The following RCC1L variants were observed in gnomAD, a reference collection of about 807,000 sequenced individuals.
The protein encoded by RCC1L is RCC1-like G exchanging factor-like protein.
RCC1L carries 46 observed loss-of-function variants against 58.6 expected under a neutral mutation model. The ratio of observed to expected loss-of-function variants is 0.79; its 90% CI spans 0.62 to 1.00. The LOEUF (loss-of-function observed/expected upper bound fraction) is 1.00. RCC1L is among the 50% of genes least tolerant of loss of function. The pLI, the probability that RCC1L is intolerant of heterozygous loss-of-function variation, is 0.00. For missense variants in RCC1L, 636 were observed against 623.6 expected, an observed-to-expected ratio of 1.02 and a Z score of -0.21; for synonymous variants, 281 against 262.9, an observed-to-expected ratio of 1.07 and a Z score of -0.67.
At chr7:75,045,937 G>C (rs1805706915) in intron 10 of RCC1L, among the ~76,000 whole-genome samples, 1 of 152,250 alleles carries the variant, frequency 6.6e-6, no homozygotes, top group Non-Finnish European at 1.5e-5. Context: ...ACCCTCCCCT[G>C]GTGGCAGCAT....
intron 1 of RCC1L, among the ~76,000 whole-genome samples, chr7:75,072,192 G>GAGAGAGA (rs1806785594): frequency 1.6e-4 from 10 of 63,254 alleles, no homozygotes; most frequent in Non-Finnish European, 3.6e-4. Flanking sequence ...ATATATATAT[G>GAGAGAGA]GAGAGAGAGA....
chr7:75,043,191 T>G, intron 10 of RCC1L, 82 bp from the exon 11 acceptor site: 1 of 1,493,772 alleles, frequency 6.7e-7, no homozygotes, highest in Middle Eastern at 2.1e-4. Flanking sequence ...GACCCGGCCC[T>G]GCCTCTCAGT....
rs974615713 is a variant in RCC1L, at chr7:75,042,752, G to C, written c.*280C>G. ...GCGAGACGTGACACCAGACACCGTCGCATGTTACTTGGAGAGAACAGAGAC... is the reference window on the plus strand; with the variant it reads ...GCGAGACGTGACACCAGACACCGTCCCATGTTACTTGGAGAGAACAGAGAC... On this transcript the variant is annotated 3_prime_UTR_variant, in exon 11 of 11. Transcript: ENST00000610322. The C allele has an allele frequency of 7.3e-7, 1 of 1,373,236 alleles. No individual in the cohort carries two copies. 85.1% of individuals were successfully genotyped at this position (1,373,236 alleles called of 1,614,324 possible).
intron 10 of RCC1L, among the ~76,000 whole-genome samples, chr7:75,044,828 C>T (rs1373308043): frequency 6.6e-6 from 1 of 151,888 alleles, no homozygotes; most frequent in African/African-American, 2.4e-5. Context: ...TTGAGACCAG[C>T]CTGGCCAACA....
chr7:75,064,459 A>G, intron 4 of RCC1L, 123 bp downstream of exon 4: 1 of 1,021,532 alleles, frequency 9.8e-7, no homozygotes, highest in Non-Finnish European at 1.5e-6. Context: ...CTTTCTGCTG[A>G]GTTCTCACGG....
chr7:75,036,024 G>A (rs1805423956), intron 10 of RCC1L, among the ~76,000 whole-genome samples: 1 of 151,582 alleles, frequency 6.6e-6, no homozygotes, highest in African/African-American at 2.4e-5. Context: ...GTTTCCAGAT[G>A]ATTCTATGGT....
intron 10 of RCC1L, among the ~76,000 whole-genome samples, chr7:75,028,923 C>T (rs1298419866): frequency 6.6e-6 from 1 of 152,222 alleles, no homozygotes; most frequent in African/African-American, 2.4e-5. Flanking sequence ...CCTCCTCTCA[C>T]CTCCAGGCAC....
At chr7:75,067,381 C>T (rs953619715) in intron 2 of RCC1L, among the ~76,000 whole-genome samples, 4 of 152,098 alleles carry the variant, frequency 2.6e-5, no homozygotes, top group African/African-American at 7.2e-5. Context: ...GTAATCCCAG[C>T]GCTTTGGGAG....
intron 9 of RCC1L, among the ~76,000 whole-genome samples, chr7:75,054,297 T>C (rs1806011291): frequency 6.6e-6 from 1 of 152,082 alleles, no homozygotes; most frequent in Non-Finnish European, 1.5e-5. Context: ...CCCAGATGGC[T>C]ATCTGCAAAT....
chr7:75,031,467 C>A (rs1805302934), intron 10 of RCC1L, among the ~76,000 whole-genome samples: 1 of 151,902 alleles, frequency 6.6e-6, no homozygotes, highest in Admixed American at 6.6e-5. Flanking sequence ...ACCTAATGTT[C>A]CCCCAAAAAA....
chr7:75,043,263 C>A (rs1805620677), intron 10 of RCC1L, among the ~76,000 whole-genome samples, 154 bp from the exon 11 acceptor site: 1 of 152,242 alleles, frequency 6.6e-6, no homozygotes, highest in Non-Finnish European at 1.5e-5. Flanking sequence ...TAGGAGACAG[C>A]TTCTCTGAGC....
intron 10 of RCC1L, among the ~76,000 whole-genome samples, chr7:75,043,646 G>C (rs1805631606): frequency 6.6e-6 from 1 of 152,130 alleles, no homozygotes; most frequent in South Asian, 2.1e-4. Flanking sequence ...GGCGGATCAC[G>C]TGAGGTCAGA....
intron 9 of RCC1L, among the ~76,000 whole-genome samples, chr7:75,054,232 G>A (rs959760217): frequency 2.0e-5 from 3 of 152,038 alleles, no homozygotes; most frequent in Admixed American, 6.6e-5. Flanking sequence ...AGAACAATTC[G>A]GCCTGGCTCC....
chr7:75,044,897 C>G (rs1805674005), intron 10 of RCC1L, among the ~76,000 whole-genome samples: 1 of 152,098 alleles, frequency 6.6e-6, no homozygotes. Flanking sequence ...TGGCAGGCGC[C>G]TGTAATCCCA....
At chr7:75,032,829 T>G (rs1198758909) in intron 10 of RCC1L, among the ~76,000 whole-genome samples, 1 of 151,892 alleles carries the variant, frequency 6.6e-6, no homozygotes, top group Non-Finnish European at 1.5e-5. Flanking sequence ...CCCAGCACTT[T>G]TGGAGGTGGA....
At chr7:75,054,512 C>T (rs959470010) in intron 9 of RCC1L, among the ~76,000 whole-genome samples, 5 of 152,218 alleles carry the variant, frequency 3.3e-5, no homozygotes, top group African/African-American at 1.2e-4. Flanking sequence ...AAACATGTGT[C>T]TCTGCCCATA....
intron 10 of RCC1L, among the ~76,000 whole-genome samples, chr7:75,032,627 C>T (rs1209229642): frequency 6.6e-6 from 1 of 152,150 alleles, no homozygotes; most frequent in Non-Finnish European, 1.5e-5. Context: ...CCTGCCTCAC[C>T]CTTGGCCCAC....
At chr7:75,072,786 A>G (rs1339785664) in intron 1 of RCC1L, among the ~76,000 whole-genome samples, 3 of 152,230 alleles carry the variant, frequency 2.0e-5, no homozygotes, top group East Asian at 3.9e-4. Context: ...AGACCAGTCT[A>G]GCAAACATGG....
At chr7:75,060,366 C>T (rs587671341) in intron 6 of RCC1L, among the ~76,000 whole-genome samples, 1 of 152,358 alleles carries the variant, frequency 6.6e-6, no homozygotes, top group Admixed American at 6.5e-5. Context: ...GGGGTTACCC[C>T]CATACCAAGT....
Sources: gnomAD v4.1 joint callset for allele counts (sites outside exome capture counted in the v4.1 genomes callset) on GRCh38, gnomAD v4.1.1 for gene constraint, MANE v1.5 for transcripts, NCBI Gene and HGNC (gene_info 2026-07-23, HGNC 2026-07-21) for gene names.